Variants in WDFY4 observed in about 807,000 individuals in gnomAD.
WDFY4 encodes WDFY family member 4.
A neutral mutation model predicts 351.9 loss-of-function variants in WDFY4; 169 were observed. That is an observed-to-expected ratio of 0.48 (90% confidence interval 0.42 to 0.55). The LOEUF (loss-of-function observed/expected upper bound fraction) is 0.55, where lower values mean the gene tolerates loss of function less well. WDFY4 is among the 20% of genes least tolerant of loss of function. The pLI is 0.00. For synonymous variants in WDFY4, 1,622 were observed against 1,574.6 expected (o/e 1.03, Z -0.71); for missense variants, 3,803 against 3,935.6 (o/e 0.97, Z 0.90).
At chr10:48,863,067 T>C (rs1256438232) in intron 39 of WDFY4, among the ~76,000 whole-genome samples, 2 of 152,192 alleles carry the variant, frequency 1.3e-5, no homozygotes, top group Non-Finnish European at 2.9e-5. Context: ...TGCCATCATA[T>C]AGACAGACCA....
At chr10:48,729,373 C>T in intron 7 of WDFY4, 59 bp from the exon 8 acceptor site, 2 of 1,536,822 alleles carry the variant, frequency 1.3e-6, no homozygotes, top group Non-Finnish European at 8.8e-7. Context: ...GAGCACCATG[C>T]ACGCATGTGG....
At chr10:48,831,823 C>T (rs2068199068) in intron 38 of WDFY4, among the ~76,000 whole-genome samples, 1 of 152,176 alleles carries the variant, frequency 6.6e-6, no homozygotes, top group Admixed American at 6.5e-5. Flanking sequence ...AATGCTGTGT[C>T]CTCCCATGTT....
chr10:48,826,867 T>C lies in WDFY4; in HGVS notation c.6179T>C (p.Leu2060Pro). 6.4e-7 allele frequency: 1 copy of C among 1,551,784 alleles called. No homozygotes were observed. Among genetic ancestry groups the C allele is most frequent in the Non-Finnish European group, 8.7e-7 (1 of 1,147,010 alleles). ...FATYNSNISF[L>P]LCLMHCLLLL... The stretch of plus-strand genomic sequence containing the variant: ...ACCTACAATTCCAACATCAGCTTCC[T>C]CCTGTGTCTCATGCATTGCCTTTTG... Residue 2060 changes from leucine to proline, a missense_variant, in exon 36 of 62, where the codon CTC (leucine) becomes CCC (proline). Physicochemically the swap from Leu to Pro is moderately conservative, Grantham distance 98. Coordinates refer to ENST00000325239, the MANE Select transcript of WDFY4 (RefSeq NM_001394531.1).
chr10:48,735,976 C>T lies in WDFY4; in HGVS notation c.1784C>T (p.Ser595Leu). Residue 595 changes from serine to leucine, a missense_variant, in exon 11 of 62, where the codon TCA becomes TTA. Physicochemically the swap from Ser to Leu is moderately radical, Grantham distance 145 (BLOSUM62 -2). Coordinates refer to ENST00000325239, the MANE Select transcript of WDFY4 (RefSeq NM_001394531.1). ...EASLSILEQL[S>L]AINAEEYMSI... ...TCGCTCAGCATCTTGGAGCAGCTCT[C>T]AGCCATCAACGCCGAGGAGTACATG... 14 of 1,551,886 alleles carry T rather than the reference C, an allele frequency of 9.0e-6. No homozygotes were observed. Among genetic ancestry groups the T allele is most frequent in the Non-Finnish European group, 1.2e-5 (14 of 1,147,048 alleles).
chr10:48,928,483 A>T (rs1839774786), intron 47 of WDFY4, among the ~76,000 whole-genome samples: 1 of 151,980 alleles, frequency 6.6e-6, no homozygotes, highest in Non-Finnish European at 1.5e-5. Flanking sequence ...GTGCCAGCCC[A>T]GTAGAAACCC....
intron 55 of WDFY4, chr10:48,967,699 T>G (rs1280811083): frequency 1.3e-5 from 2 of 151,886 alleles, no homozygotes; most frequent in African/African-American, 4.8e-5. Flanking sequence ...GAAGAGAGGG[T>G]GAGGCTGGGT....
chr10:48,763,148 A>C (rs1188463710), intron 13 of WDFY4, among the ~76,000 whole-genome samples: 1 of 152,234 alleles, frequency 6.6e-6, no homozygotes, highest in Non-Finnish European at 1.5e-5. Flanking sequence ...ATTACACATT[A>C]GACATCACCT....
intron 39 of WDFY4, among the ~76,000 whole-genome samples, chr10:48,854,029 T>C (rs976640354): frequency 6.6e-6 from 1 of 152,248 alleles, no homozygotes; most frequent in African/African-American, 2.4e-5. Flanking sequence ...AAGGTATTTC[T>C]TTGAAGTATG....
intron 1 of WDFY4, among the ~76,000 whole-genome samples, chr10:48,688,773 A>T (rs1056786864): frequency 4.6e-5 from 7 of 152,196 alleles, no homozygotes; most frequent in African/African-American, 1.7e-4. Context: ...AGATAATGAC[A>T]GGTGGTCAGA....
intron 50 of WDFY4, 85 bp downstream of exon 50, chr10:48,946,242 C>T: frequency 9.4e-7 from 1 of 1,061,198 alleles, no homozygotes; most frequent in Non-Finnish European, 1.4e-6. Context: ...AAGGTGGTCA[C>T]CTAGCCTACA....
At chr10:48,931,788 C>G (rs907060485) in intron 47 of WDFY4, among the ~76,000 whole-genome samples, 1 of 152,250 alleles carries the variant, frequency 6.6e-6, no homozygotes, top group Non-Finnish European at 1.5e-5. Flanking sequence ...TATCTGAAAT[C>G]ATGACTGAAG....
chr10:48,737,314 C>T (rs546798917), intron 11 of WDFY4, among the ~76,000 whole-genome samples: 12 of 151,788 alleles, frequency 7.9e-5, no homozygotes, highest in South Asian at 4.2e-4. Context: ...CTGGCCAACA[C>T]GCTCATGTTT....
chr10:48,774,282 C>A (rs567301099), intron 13 of WDFY4, among the ~76,000 whole-genome samples, 176 bp from the exon 14 acceptor site: 5 of 152,062 alleles, frequency 3.3e-5, no homozygotes, highest in East Asian at 1.9e-4. Flanking sequence ...TGCCCCCCGC[C>A]AGGTGAGGAG....
At chr10:48,831,806 AG>A (rs2133064632) in intron 38 of WDFY4, among the ~76,000 whole-genome samples, 1 of 152,316 alleles carries the variant, frequency 6.6e-6, no homozygotes, top group African/African-American at 2.4e-5. Flanking sequence ...ATCCTCTGTA[AG>A]GGAGAAATGC....
At chr10:48,909,934 C>G (rs1837849473) in intron 47 of WDFY4, 1 of 372,372 alleles carries the variant, frequency 2.7e-6, no homozygotes, top group African/African-American at 2.0e-5. Flanking sequence ...CCTTTTAAGT[C>G]TTAAAGTCTT....
intron 19 of WDFY4, among the ~76,000 whole-genome samples, chr10:48,784,630 CTCCTGGGTTCAAGTGA>C (rs1456992449): frequency 1.4e-5 from 2 of 142,080 alleles, no homozygotes; most frequent in African/African-American, 5.3e-5. Flanking sequence ...AAACCTCTGC[CTCCTGGGTTCAAGTGA>C]TTCTTCTGCT....
At chr10:48,685,236 G>A (rs1197188863) in intron 1 of WDFY4, among the ~76,000 whole-genome samples, 2 of 152,250 alleles carry the variant, frequency 1.3e-5, no homozygotes, top group Admixed American at 6.5e-5. Context: ...GGGTCTGCCT[G>A]AGTGTGTGTC....
At chr10:48,744,381 T>C (rs950958032) in intron 12 of WDFY4, among the ~76,000 whole-genome samples, 2 of 152,216 alleles carry the variant, frequency 1.3e-5, no homozygotes, top group African/African-American at 4.8e-5. Flanking sequence ...GCATGTTAAA[T>C]CTCCACACAT....
intron 39 of WDFY4, among the ~76,000 whole-genome samples, chr10:48,832,990 A>T (rs573144015): frequency 1.3e-5 from 2 of 152,264 alleles, no homozygotes; most frequent in Non-Finnish European, 2.9e-5. Flanking sequence ...GGACAGAAAC[A>T]TTCACTTCAT....
Sources: allele counts gnomAD v4.1 joint callset (sites outside exome capture counted in the v4.1 genomes callset), GRCh38; gene constraint gnomAD v4.1.1; transcripts MANE v1.5; gene names NCBI Gene and HGNC (gene_info 2026-07-23, HGNC 2026-07-21).